CHST11: variants seen among roughly 807,000 people sequenced by gnomAD.
CHST11 encodes the protein C4S-1.
CHST11 carries 9 observed loss-of-function variants against 30.4 expected under a neutral mutation model. That is an observed-to-expected ratio of 0.30 (90% confidence interval 0.18 to 0.52). The LOEUF is 0.52. CHST11 is among the 20% of genes least tolerant of loss of function. The pLI is 0.97. For synonymous variants in CHST11, 152 were observed against 187.8 expected, an observed-to-expected ratio of 0.81 and a Z score of 1.56; for missense variants, 348 against 460.6, an observed-to-expected ratio of 0.76 and a Z score of 2.24.
chr12:104,467,639 T>G (rs1388780593), intron 1 of CHST11, among the ~76,000 whole-genome samples: 4 of 152,202 alleles, frequency 2.6e-5, no homozygotes, highest in Non-Finnish European at 4.4e-5. Context: ...AGTGTTTCAG[T>G]CCTTATCATT....
chr12:104,460,953 A>G (rs1457339650), intron 1 of CHST11, among the ~76,000 whole-genome samples: 1 of 152,140 alleles, frequency 6.6e-6, no homozygotes, highest in Non-Finnish European at 1.5e-5. Context: ...TGTTTTTTGC[A>G]CGGTGTCTGA....
intron 2 of CHST11, among the ~76,000 whole-genome samples, chr12:104,682,877 C>T (rs964454663): frequency 2.0e-5 from 3 of 152,222 alleles, no homozygotes; most frequent in Non-Finnish European, 4.4e-5. Flanking sequence ...GAGCCAGCTA[C>T]CGTAACCGTA....
At position 104,477,424 on chromosome 12, in the gene CHST11, G is replaced by A. The variant is rs2037574793; in HGVS notation, c.118+19895G>A. Among the ~76,000 whole-genome samples the A allele has an allele frequency of 2.0e-5, 3 of 152,126 alleles. No homozygotes were observed. In the South Asian group the frequency reaches 6.2e-4, roughly 32 times the overall value. On this transcript the variant is annotated intron_variant, in intron 1 of 2. Transcript: ENST00000303694. ...GCATCTGCGAGAAAAATTTCTTTTT[G>A]TGATTTAGGAGGAAAAACATATGGA...
chr12:104,498,168 C>T (rs2037818980), intron 1 of CHST11, among the ~76,000 whole-genome samples: 1 of 152,088 alleles, frequency 6.6e-6, no homozygotes, highest in Non-Finnish European at 1.5e-5. Context: ...GATCCACCCA[C>T]CTCAGCCTCC....
intron 1 of CHST11, among the ~76,000 whole-genome samples, chr12:104,584,009 C>T (rs1248868004): frequency 6.6e-6 from 1 of 151,450 alleles, no homozygotes; most frequent in African/African-American, 2.4e-5. Context: ...CACCGCACCC[C>T]GTCCAAAGAT....
chr12:104,652,780 C>T lies in CHST11; in HGVS notation c.204+50789C>T, dbSNP rs116802596. ...TGAGTCTTGTTGGTTTCGATCCTGA[C>T]CTCTGTTTGCCTGTGGAAGCTGGCC... On this transcript the variant is annotated intron_variant, in intron 2 of 2. Coordinates refer to ENST00000303694, the MANE Select transcript of CHST11 (RefSeq NM_018413.6). 2.9e-3 allele frequency among the ~76,000 whole-genome samples: 435 copies of T among 152,308 alleles called. 4 individuals carry two copies. Among genetic ancestry groups the T allele is most frequent in the African/African-American group, 9.9e-3 (410 of 41,558 alleles).
intron 1 of CHST11, among the ~76,000 whole-genome samples, chr12:104,508,807 G>C (rs1393670659): frequency 6.6e-6 from 1 of 152,090 alleles, no homozygotes; most frequent in African/African-American, 2.4e-5. Flanking sequence ...TGGTCCCCCT[G>C]AACCTCTTTG....
In CHST11 at chr12:104,757,087, G is replaced by A; in HGVS notation, c.343G>A (p.Asp115Asn). 1 of 1,614,076 alleles carries A rather than the reference G, an allele frequency of 6.2e-7. No homozygotes were observed. ...CCTGAAGCACTTGGTGGTGGATGAG[G>A]ACCACGAGCTCATCTACTGCTACGT... is the stretch of plus-strand genomic sequence containing the variant. ...NDLKHLVVDE[D>N]HELIYCYVPK... The change falls in exon 3 of 3, where the codon GAC becomes AAC. Residue 115 changes from aspartate to asparagine, a missense_variant. By Grantham distance (23) the Asp-to-Asn change is conservative (BLOSUM62 1). Transcript: ENST00000303694. The surrounding 1 kb of genome is among the most constrained non-coding windows in gnomAD (Gnocchi z 6.5).
In CHST11 at chr12:104,528,506, T is replaced by C. The variant is rs140681067; in HGVS notation, c.118+70977T>C. Among the ~76,000 whole-genome samples the C allele has an allele frequency of 2.6e-5, 4 of 152,324 alleles. No individual in the cohort carries two copies. In the East Asian group the frequency reaches 7.7e-4, roughly 29 times the overall value. On this transcript the variant is annotated intron_variant, in intron 1 of 2. Coordinates refer to ENST00000303694, the MANE Select transcript of CHST11 (RefSeq NM_018413.6). ...AAGAAATTGTTCAGTGACAACTCTG[T>C]TCAGTAGAACCATCATGAGTTCACT... is the stretch of plus-strand genomic sequence containing the variant.
chr12:104,651,252 T>C (rs1464464802), intron 2 of CHST11, among the ~76,000 whole-genome samples: 1 of 152,224 alleles, frequency 6.6e-6, no homozygotes, highest in East Asian at 1.9e-4. Context: ...TGATTTGCAA[T>C]TTGGCATCAG....
chr12:104,486,900 A>G (rs990300821), intron 1 of CHST11, among the ~76,000 whole-genome samples: 3 of 152,232 alleles, frequency 2.0e-5, no homozygotes, highest in East Asian at 1.9e-4. Context: ...ACACAAATAC[A>G]TAATAGTCCA....
At chr12:104,634,833 A>C (rs568696842) in intron 2 of CHST11, among the ~76,000 whole-genome samples, 2 of 152,304 alleles carry the variant, frequency 1.3e-5, no homozygotes, top group Admixed American at 6.5e-5. Flanking sequence ...CCTTCAGCTG[A>C]AAAACAGATC....
intron 1 of CHST11, among the ~76,000 whole-genome samples, chr12:104,509,442 C>A (rs2135980281): frequency 6.6e-6 from 1 of 152,282 alleles, no homozygotes; most frequent in Admixed American, 6.5e-5. Context: ...TCTGTTTTAA[C>A]ACAGTGTATT....
rs1218575577 is a variant in CHST11 at position 104,458,136 on chromosome 12, G to GC, written c.118+610dup. 2.6e-5 allele frequency among the ~76,000 whole-genome samples: 4 copies of GC among 152,012 alleles called. No homozygotes were observed. In the East Asian group the frequency reaches 7.8e-4, roughly 30 times the overall value. On this transcript the variant is annotated intron_variant, in intron 1 of 2. Transcript: ENST00000303694. The surrounding 1 kb of genome is among the most constrained non-coding windows in gnomAD (Gnocchi z 5.7). The stretch of plus-strand genomic sequence containing the variant: ...GAGCAGGTGTGGAGAGTGGTCGGGT[G>GC]CCCAGCGTTGCCCCTCCACCACGCG...
chr12:104,583,721 C>CTTTTTTTTTTTT (rs1297368145), intron 1 of CHST11, among the ~76,000 whole-genome samples: 639 of 10,002 alleles, frequency 0.064, 4 homozygotes, highest in African/African-American at 0.068. Flanking sequence ...AGATCTCTCT[C>CTTTTTTTTTTTT]TTTTTTTTGA....
At chr12:104,492,983 A>C (rs1339001850) in intron 1 of CHST11, among the ~76,000 whole-genome samples, 1 of 151,770 alleles carries the variant, frequency 6.6e-6, no homozygotes, top group Non-Finnish European at 1.5e-5. Context: ...CAGTGAGCCG[A>C]GATCACACCA....
rs188563162 is a variant in CHST11 at position 104,659,363 on chromosome 12, G to T, written c.204+57372G>T. On this transcript the variant is annotated intron_variant, in intron 2 of 2. Transcript: ENST00000303694. The stretch of plus-strand genomic sequence containing the variant: ...AATTGCTCAAGACATATGATCGTTG[G>T]TGATAATATTACTTCTCCGTATCTC... Among the ~76,000 whole-genome samples the T allele has an allele frequency of 1.6e-3, 242 of 152,234 alleles. 2 individuals are homozygous for T. Among genetic ancestry groups the T allele is most frequent in the Non-Finnish European group, 1.8e-3 (120 of 68,028 alleles).
intron 2 of CHST11, among the ~76,000 whole-genome samples, chr12:104,630,704 A>G (rs2039261980): frequency 6.6e-6 from 1 of 152,180 alleles, no homozygotes; most frequent in Non-Finnish European, 1.5e-5. Flanking sequence ...ACGTGCCCCT[A>G]TTTTAGTTCG....
chr12:104,641,187 C>G (rs927494511), intron 2 of CHST11, among the ~76,000 whole-genome samples: 16 of 152,176 alleles, frequency 1.1e-4, no homozygotes, highest in African/African-American at 3.6e-4. Context: ...TAAAATCCCC[C>G]ACATTGGCCA....
Sources: allele counts gnomAD v4.1 joint callset (sites outside exome capture counted in the v4.1 genomes callset), GRCh38; gene constraint gnomAD v4.1.1; non-coding constraint Gnocchi (gnomAD v3.1); transcripts MANE v1.5; gene names NCBI Gene and HGNC (gene_info 2026-07-23, HGNC 2026-07-21).